STK38: variants seen among roughly 807,000 people sequenced by gnomAD.
STK38 encodes the protein serine/threonine kinase 38.
Under a neutral mutation model 59.0 loss-of-function variants are expected in STK38, and 26 were observed. The observed-to-expected ratio is 0.44, with a 90% CI of 0.32 to 0.61. The LOEUF is 0.61. Ranked by LOEUF, STK38 falls within the 20% of genes least tolerant of loss-of-function variation. STK38 has a pLI of 0.04. For synonymous variants in STK38, 175 were observed against 176.6 expected, an observed-to-expected ratio of 0.99 and a Z score of 0.07; for missense variants, 433 against 566.0, an observed-to-expected ratio of 0.76 and a Z score of 2.38.
At chr6:36,527,095 A>G (rs1464542943) in intron 2 of STK38, among the ~76,000 whole-genome samples, 6 of 149,812 alleles carry the variant, frequency 4.0e-5, no homozygotes, top group African/African-American at 1.2e-4. Context: ...AGGAGGCTGA[A>G]GCAGAAGAAT....
intron 10 of STK38, 96 bp from the exon 11 acceptor site, chr6:36,498,582 CTT>C: frequency 9.6e-7 from 1 of 1,038,972 alleles, no homozygotes. Context: ...CTTTTTTTTT[CTT>C]TTTTCTTTTT....
chr6:36,531,456 C>T (rs573936952), intron 2 of STK38, among the ~76,000 whole-genome samples: 2 of 152,290 alleles, frequency 1.3e-5, no homozygotes, highest in East Asian at 1.9e-4. Flanking sequence ...TTATCTAAAA[C>T]ATTGTTTTTT....
At chr6:36,508,227 C>A (rs1293451602) in intron 7 of STK38, among the ~76,000 whole-genome samples, 1 of 152,198 alleles carries the variant, frequency 6.6e-6, no homozygotes, top group African/African-American at 2.4e-5. Context: ...TGCGCCACCA[C>A]ACCTGGCCAA....
intron 10 of STK38, 64 bp from the exon 11 acceptor site, chr6:36,498,550 T>C: frequency 6.6e-7 from 1 of 1,524,114 alleles, no homozygotes; most frequent in African/African-American, 1.4e-5. Flanking sequence ...CCGAGATTAC[T>C]CTCCTTAATA....
chr6:36,529,714 C>A (rs998566014), intron 2 of STK38, among the ~76,000 whole-genome samples: 13 of 152,194 alleles, frequency 8.5e-5, no homozygotes, highest in African/African-American at 3.1e-4. Context: ...TTGTACACAG[C>A]TACTTTCTAA....
chr6:36,516,929 T>A (rs960736450), intron 6 of STK38, among the ~76,000 whole-genome samples: 1 of 152,214 alleles, frequency 6.6e-6, no homozygotes, highest in Admixed American at 6.5e-5. Flanking sequence ...AGAACTAGCA[T>A]CTAAATGTTA....
At chr6:36,537,688 C>G (rs982027998) in intron 2 of STK38, among the ~76,000 whole-genome samples, 1 of 151,788 alleles carries the variant, frequency 6.6e-6, no homozygotes, top group Non-Finnish European at 1.5e-5. Context: ...ACTTGAACCC[C>G]GGAGTTCGAG....
chr6:36,535,285 T>C (rs1417394256), intron 2 of STK38, among the ~76,000 whole-genome samples: 12 of 150,590 alleles, frequency 8.0e-5, no homozygotes, highest in African/African-American at 2.9e-4. Flanking sequence ...CCCGTCTCTA[T>C]TAAAAATACA....
intron 13 of STK38, 146 bp downstream of exon 13, chr6:36,496,565 C>T: frequency 1.5e-6 from 1 of 681,322 alleles, no homozygotes; most frequent in South Asian, 1.7e-5. Flanking sequence ...CACTACCCAG[C>T]ATTAGAATTA....
At chr6:36,499,290 A>T (rs1237338344) in intron 10 of STK38, among the ~76,000 whole-genome samples, 1 of 151,976 alleles carries the variant, frequency 6.6e-6, no homozygotes, top group African/African-American at 2.4e-5. Flanking sequence ...ACACCCTATC[A>T]CCCCATCTTC....
chr6:36,543,024 T>C (rs1383568699), intron 1 of STK38, among the ~76,000 whole-genome samples: 2 of 152,254 alleles, frequency 1.3e-5, no homozygotes, highest in East Asian at 3.9e-4. Context: ...CTTGGCCAAA[T>C]TGTTCACTAA....
At chr6:36,508,832 C>G (rs1777032463) in intron 7 of STK38, among the ~76,000 whole-genome samples, 1 of 152,236 alleles carries the variant, frequency 6.6e-6, no homozygotes, top group Non-Finnish European at 1.5e-5. Context: ...GCAGGTAGCT[C>G]CAGGTGCCAG....
At chr6:36,501,714 C>T (rs748108434) in intron 9 of STK38, among the ~76,000 whole-genome samples, 21 of 152,084 alleles carry the variant, frequency 1.4e-4, no homozygotes, top group African/African-American at 2.9e-4. Context: ...AGTGAGCCAC[C>T]GCAACCGGCC....
intron 2 of STK38, among the ~76,000 whole-genome samples, chr6:36,539,015 T>C (rs1461084670): frequency 6.6e-6 from 1 of 152,094 alleles, no homozygotes; most frequent in Non-Finnish European, 1.5e-5. Flanking sequence ...GATATATATG[T>C]ATATATTCAC....
chr6:36,533,587 T>C (rs970016516), intron 2 of STK38, among the ~76,000 whole-genome samples: 25 of 152,200 alleles, frequency 1.6e-4, no homozygotes, highest in African/African-American at 6.0e-4. Flanking sequence ...ATAATCTTAG[T>C]GTTAATCACA....
rs1777227114 is a variant in STK38, at chr6:36,515,480, G to T, written c.527C>A (p.Thr176Asn). 6.2e-7 allele frequency: 1 copy of T among 1,611,496 alleles called. No homozygotes were observed. Among genetic ancestry groups the T allele is most frequent in the Non-Finnish European group, 8.5e-7 (1 of 1,179,332 alleles). The change falls in exon 7 of 14, where the codon ACC becomes AAC. Residue 176 changes from threonine to asparagine, a missense_variant. By Grantham distance (65) the Thr-to-Asn change is moderately conservative. Transcript: ENST00000229812. ...CAGAGTGTCTTTTTTCATCAACAAG[G>T]TCATCATGTCCCCTGGAAACAAGAA... ...MEFLPGGDMM[T>N]LLMKKDTLTE...
intron 7 of STK38, among the ~76,000 whole-genome samples, chr6:36,513,973 G>T (rs1333586289): frequency 6.6e-6 from 1 of 150,520 alleles, no homozygotes; most frequent in African/African-American, 2.4e-5. Context: ...GGCTAACACC[G>T]TGAAACCCCG....
Position 36,494,459 on chromosome 6 carries a change from G to A in STK38, c.*1325C>T, listed in dbSNP as rs577444354. On this transcript the variant is annotated 3_prime_UTR_variant, in exon 14 of 14. Transcript: ENST00000229812. ...TTTTAAAAAATAATGCATTAATATG[G>A]AGCCTCCACATTTTTCTGACGAAAT... The A allele has an allele frequency of 1.3e-5, 2 of 152,730 alleles. No individual in the cohort carries two copies. Among genetic ancestry groups the A allele is most frequent in the East Asian group, 1.9e-4 (1 of 5,188 alleles). 9.5% of individuals were successfully genotyped at this position (152,730 alleles called of 1,614,324 possible).
intron 4 of STK38, 23 bp from the exon 5 acceptor site, chr6:36,521,840 C>A: frequency 6.3e-7 from 1 of 1,597,628 alleles, no homozygotes; most frequent in South Asian, 1.1e-5. Context: ...AAAAGAAATG[C>A]CAAGTCAAAA....
Sources: gnomAD v4.1 joint callset for allele counts (sites outside exome capture counted in the v4.1 genomes callset) on GRCh38, gnomAD v4.1.1 for gene constraint, MANE v1.5 for transcripts, NCBI Gene and HGNC (gene_info 2026-07-23, HGNC 2026-07-21) for gene names.